Variants in FAF1 observed in about 807,000 individuals in gnomAD.
FAF1 encodes Fas associated factor 1, also known as FAS-associated factor 1.
FAF1 carries 25 observed loss-of-function variants against 92.5 expected under a neutral mutation model. That is an observed-to-expected ratio of 0.27 (90% CI 0.20 to 0.38). The LOEUF is 0.38. FAF1 is among the 10% of genes least tolerant of loss of function. The pLI is 1.00. For missense variants in FAF1, 636 were observed against 793.3 expected, an observed-to-expected ratio of 0.80 and a Z score of 2.38; for synonymous variants, 234 against 273.2, an observed-to-expected ratio of 0.86 and a Z score of 1.42.
At chr1:50,924,657 T>C (rs926363617) in intron 1 of FAF1, among the ~76,000 whole-genome samples, 19 of 152,296 alleles carry the variant, frequency 1.2e-4, no homozygotes, top group African/African-American at 4.3e-4. Flanking sequence ...AGCAGAGCTA[T>C]AGTAACCAAA....
intron 12 of FAF1, 127 bp from the exon 13 acceptor site, chr1:50,567,358 GTACTT>G (rs1345127326): frequency 1.7e-6 from 1 of 586,202 alleles, no homozygotes; most frequent in Non-Finnish European, 2.7e-6. Context: ...CCCTAAGAGA[GTACTT>G]TACATTTTGG....
intron 1 of FAF1, among the ~76,000 whole-genome samples, chr1:50,932,164 C>T (rs868000471): frequency 9.6e-4 from 146 of 152,156 alleles, no homozygotes; most frequent in African/African-American, 3.4e-3. Flanking sequence ...ATGGCCCCTC[C>T]AAATCTCATG....
At chr1:50,927,588 AAAACTGG>A (rs1645016212) in intron 1 of FAF1, among the ~76,000 whole-genome samples, 1 of 152,216 alleles carries the variant, frequency 6.6e-6, no homozygotes, top group Non-Finnish European at 1.5e-5. Flanking sequence ...ATAAAGTTTT[AAAACTGG>A]CAAAACTAAC....
At chr1:50,481,250 G>A (rs917850243) in intron 17 of FAF1, among the ~76,000 whole-genome samples, 3 of 152,136 alleles carry the variant, frequency 2.0e-5, no homozygotes, top group Non-Finnish European at 2.9e-5. Context: ...TATAAAGTCC[G>A]CTGTAATGTA....
At chr1:50,833,395 AGGTGTGTGGGGGCG>A (rs555643036) in intron 2 of FAF1, among the ~76,000 whole-genome samples, 1 of 152,130 alleles carries the variant, frequency 6.6e-6, no homozygotes, top group Non-Finnish European at 1.5e-5. Flanking sequence ...CAGGGTGGTA[AGGTGTGTGGGGGCG>A]GGTGTGTGGG....
intron 8 of FAF1, among the ~76,000 whole-genome samples, chr1:50,653,604 G>A (rs1654965513): frequency 6.6e-6 from 1 of 152,122 alleles, no homozygotes; most frequent in African/African-American, 2.4e-5. Flanking sequence ...GGTGGCTCAT[G>A]CCTGTAATCT....
intron 8 of FAF1, among the ~76,000 whole-genome samples, chr1:50,637,910 T>TTG (rs1654134646): frequency 6.7e-6 from 1 of 149,306 alleles, no homozygotes; most frequent in African/African-American, 2.5e-5. Flanking sequence ...TAAGATAAAT[T>TTG]TGTGTATATA....
At chr1:50,826,171 T>C (rs1477579728) in intron 2 of FAF1, among the ~76,000 whole-genome samples, 1 of 151,810 alleles carries the variant, frequency 6.6e-6, no homozygotes, top group Non-Finnish European at 1.5e-5. Context: ...ATACGAAAAA[T>C]TTTAAAAAGA....
At chr1:50,814,574 GT>G (rs1358131500) in intron 2 of FAF1, among the ~76,000 whole-genome samples, 1 of 152,102 alleles carries the variant, frequency 6.6e-6, no homozygotes, top group Non-Finnish European at 1.5e-5. Context: ...TCAACTACAT[GT>G]ATGTATCTCA....
chr1:50,635,717 T>C (rs1209011092), intron 8 of FAF1, among the ~76,000 whole-genome samples: 1 of 152,188 alleles, frequency 6.6e-6, no homozygotes, highest in Non-Finnish European at 1.5e-5. Flanking sequence ...GAAAACTCAA[T>C]TGTATAGATG....
chr1:50,879,290 G>T (rs1644593675), intron 1 of FAF1, among the ~76,000 whole-genome samples: 1 of 150,488 alleles, frequency 6.6e-6, no homozygotes, highest in East Asian at 2.0e-4. Context: ...GAATGAATCA[G>T]ATTAATGTAA....
intron 15 of FAF1, among the ~76,000 whole-genome samples, chr1:50,521,829 T>A (rs1356639863): frequency 6.6e-6 from 1 of 152,230 alleles, no homozygotes; most frequent in African/African-American, 2.4e-5. Flanking sequence ...AAAGTGTTAC[T>A]GTAATCCACG....
At chr1:50,659,403 GACTTGAGAGC>G (rs1354303223) in intron 7 of FAF1, among the ~76,000 whole-genome samples, 1 of 152,152 alleles carries the variant, frequency 6.6e-6, no homozygotes, top group Non-Finnish European at 1.5e-5. Flanking sequence ...ATTGATTTGG[GACTTGAGAGC>G]ACTTTAGAGA....
chr1:50,776,721 AGT>A (rs1660977348), intron 4 of FAF1, among the ~76,000 whole-genome samples: 1 of 152,168 alleles, frequency 6.6e-6, no homozygotes, highest in Admixed American at 6.5e-5. Context: ...TAAAAGAAAA[AGT>A]GTGATGTGGC....
intron 15 of FAF1, among the ~76,000 whole-genome samples, chr1:50,519,305 G>T (rs1337598743): frequency 1.3e-5 from 2 of 148,920 alleles, no homozygotes; most frequent in African/African-American, 4.9e-5. Flanking sequence ...CTCCAGCCTG[G>T]GTGACAGAGC....
intron 1 of FAF1, among the ~76,000 whole-genome samples, chr1:50,920,810 T>G (rs1014873855): frequency 1.3e-5 from 2 of 152,152 alleles, no homozygotes; most frequent in African/African-American, 4.8e-5. Context: ...AACACCATAC[T>G]TAATAGTGAA....
At chr1:50,710,704 G>A (rs1281812570) in intron 6 of FAF1, among the ~76,000 whole-genome samples, 1 of 151,552 alleles carries the variant, frequency 6.6e-6, no homozygotes, top group Non-Finnish European at 1.5e-5. Flanking sequence ...CCGGGTTCAA[G>A]CGATTCTCCT....
chr1:50,943,251 C>A (rs1645148107), intron 1 of FAF1, among the ~76,000 whole-genome samples: 1 of 152,142 alleles, frequency 6.6e-6, no homozygotes, highest in African/African-American at 2.4e-5. Flanking sequence ...CAACAAGACT[C>A]CAAGCAGCAG....
At chr1:50,941,600 C>T (rs1228129699) in intron 1 of FAF1, among the ~76,000 whole-genome samples, 3 of 152,158 alleles carry the variant, frequency 2.0e-5, no homozygotes, top group Admixed American at 2.0e-4. Context: ...TCAATCGATC[C>T]TCCCACCTTG....
Sources: allele counts gnomAD v4.1 joint callset (sites outside exome capture counted in the v4.1 genomes callset), GRCh38; gene constraint gnomAD v4.1.1; transcripts MANE v1.5; gene names NCBI Gene and HGNC (gene_info 2026-07-23, HGNC 2026-07-21).